WT1: variants seen among roughly 807,000 people sequenced by gnomAD.
WT1 encodes WT1 transcription factor, also known as Wilms tumor protein.
WT1 carries 8 observed loss-of-function variants against 60.8 expected under a neutral mutation model. The ratio of observed to expected loss-of-function variants is 0.13; its 90% confidence interval spans 0.08 to 0.24. WT1 has a LOEUF of 0.24. WT1 is among the 10% of genes least tolerant of loss of function. The pLI, the probability that WT1 is intolerant of heterozygous loss-of-function variation, is 1.00. For synonymous variants in WT1, 312 were observed against 297.1 expected, an observed-to-expected ratio of 1.05 and a Z score of -0.52; for missense variants, 568 against 711.8, an observed-to-expected ratio of 0.80 and a Z score of 2.30.
intron 1 of WT1, chr11:32,429,010 C>A (rs908213610): frequency 3.0e-6 from 1 of 336,414 alleles, no homozygotes; most frequent in East Asian, 7.2e-5. Context: ...AGGAGCAGCG[C>A]GGGCAAGCGA....
At chr11:32,430,530 C>A in intron 1 of WT1, 1 of 1,601,004 alleles carries the variant, frequency 6.2e-7, no homozygotes, top group South Asian at 1.1e-5. Context: ...CTAGACGAAC[C>A]CTTCTCCATT....
At chr11:32,429,132 G>A (rs1157237973) in intron 1 of WT1, 1 of 254,762 alleles carries the variant, frequency 3.9e-6, no homozygotes, top group Non-Finnish European at 7.8e-6. Flanking sequence ...CTTAAAAATG[G>A]GAAGAGTAAT....
chr11:32,414,245 C>A (rs111667510), intron 5 of WT1, among the ~76,000 whole-genome samples: 1 of 152,200 alleles, frequency 6.6e-6, no homozygotes, highest in East Asian at 1.9e-4. Flanking sequence ...AGTTAATATT[C>A]GAGAAATATA....
At chr11:32,389,384 A>T (rs1851752485) in intron 9 of WT1, among the ~76,000 whole-genome samples, 1 of 152,242 alleles carries the variant, frequency 6.6e-6, no homozygotes. Context: ...ATATTGTAAA[A>T]AGTTATATTC....
intron 5 of WT1, among the ~76,000 whole-genome samples, chr11:32,403,839 T>G (rs1004650516): frequency 6.6e-6 from 1 of 152,056 alleles, no homozygotes; most frequent in African/African-American, 2.4e-5. Flanking sequence ...CCCATTGTGC[T>G]GGGATTACAG....
At chr11:32,392,607 G>A (rs2132918378) in intron 8 of WT1, 59 bp downstream of exon 8, 1 of 1,527,386 alleles carries the variant, frequency 6.5e-7, no homozygotes, top group Non-Finnish European at 9.1e-7. Flanking sequence ...AGAGAATCAT[G>A]AAATCAACCC....
At chr11:32,393,551 G>T (rs1851879078) in intron 7 of WT1, among the ~76,000 whole-genome samples, 1 of 142,740 alleles carries the variant, frequency 7.0e-6, no homozygotes, top group Non-Finnish European at 1.5e-5. Context: ...GAATCAGTCA[G>T]GTCTTTCTGT....
Position 32,400,117 on chromosome 11 carries a change from A to T in WT1, c.1017-73T>A, listed in dbSNP as rs142887065. On this transcript the variant is annotated intron_variant, in intron 5 of 9. Coordinates refer to ENST00000452863, the MANE Select transcript of WT1 (RefSeq NM_024426.6). ...CATTTGGAAATGCTTATCTGCAATC[A>T]GGAGGGAATGATGGTTTTTAAAGCT... is the stretch of plus-strand genomic sequence containing the variant. 618 of 1,543,612 alleles carry T rather than the reference A, an allele frequency of 4.0e-4. 4 individuals carry two copies. The Middle Eastern group carries it at 4.0e-3, about 10-fold the overall frequency.
At chr11:32,408,807 A>G (rs1852406807) in intron 5 of WT1, among the ~76,000 whole-genome samples, 1 of 152,186 alleles carries the variant, frequency 6.6e-6, no homozygotes, top group Non-Finnish European at 1.5e-5. Flanking sequence ...TTAGGAGAGG[A>G]CAACTACCAA....
chr11:32,417,544 T>C (rs1048402296), intron 4 of WT1, 33 bp downstream of exon 4: 3 of 1,580,096 alleles, frequency 1.9e-6, no homozygotes, highest in Non-Finnish European at 2.6e-6. Context: ...TATAAGTTAC[T>C]GTGGAAAGGC....
At chr11:32,394,633 G>A (rs1851912338) in intron 7 of WT1, among the ~76,000 whole-genome samples, 1 of 152,166 alleles carries the variant, frequency 6.6e-6, no homozygotes, top group Non-Finnish European at 1.5e-5. Context: ...TATACATGTA[G>A]AGAGCCTGAC....
intron 6 of WT1, among the ~76,000 whole-genome samples, chr11:32,397,681 G>A (rs1852014780): frequency 6.6e-6 from 1 of 152,008 alleles, no homozygotes. Flanking sequence ...CCAACTCCTT[G>A]CCCTGTGCAT....
chr11:32,408,291 T>C (rs1441405381), intron 5 of WT1, among the ~76,000 whole-genome samples: 1 of 150,672 alleles, frequency 6.6e-6, no homozygotes, highest in East Asian at 2.0e-4. Context: ...GGCAGGCAGA[T>C]CCCTTGAGGT....
intron 3 of WT1, among the ~76,000 whole-genome samples, chr11:32,425,439 C>A (rs12293750): frequency 0.05 from 7,612 of 152,198 alleles, 350 homozygotes; most frequent in African/African-American, 0.12. Context: ...CTTCTTCAAC[C>A]ATTACATTCA....
At chr11:32,428,704 G>A (rs573747031) in intron 1 of WT1, 85 bp from the exon 2 acceptor site, 232 of 1,552,640 alleles carry the variant, frequency 1.5e-4, no homozygotes, top group Non-Finnish European at 1.8e-4. Context: ...CGGGCGGGGG[G>A]GGTGTGCGCT....
chr11:32,427,355 C>A (rs1457173803), intron 3 of WT1, among the ~76,000 whole-genome samples: 2 of 152,226 alleles, frequency 1.3e-5, no homozygotes, highest in African/African-American at 4.8e-5. Flanking sequence ...CTCCCGCTCA[C>A]AGGAAGAAGG....
At chr11:32,402,879 A>C (rs1416135954) in intron 5 of WT1, among the ~76,000 whole-genome samples, 1 of 152,174 alleles carries the variant, frequency 6.6e-6, no homozygotes, top group East Asian at 1.9e-4. Context: ...GGGCTGAAGG[A>C]TTTCTAGGGA....
chr11:32,417,411 G>C (rs1852709238), intron 4 of WT1, 166 bp downstream of exon 4: 1 of 664,092 alleles, frequency 1.5e-6, no homozygotes, highest in Admixed American at 2.7e-5. Context: ...ATTTAATACT[G>C]AACACAACTC....
rs1272345421 is a variant in WT1 at position 32,388,000 on chromosome 11, CACA to C, written c.*1055_*1057del. The C allele has an allele frequency of 1.5e-5, 3 of 203,488 alleles. No individual in the cohort carries two copies. The highest frequency in any genetic ancestry group is 3.5e-5 in the African/African-American group (1 of 28,338). The allele number at this position is 203,488 out of a possible 1,614,324, so 12.6% of individuals were successfully genotyped here. ...CCCTCCCTTAAAAAACAAAACACAA[CACA>C]ACACACACACACACACACACACACA... On this transcript the variant is annotated 3_prime_UTR_variant, in exon 10 of 10. Transcript: ENST00000452863.
Sources: allele counts gnomAD v4.1 joint callset (sites outside exome capture counted in the v4.1 genomes callset), GRCh38; gene constraint gnomAD v4.1.1; transcripts MANE v1.5; gene names NCBI Gene and HGNC (gene_info 2026-07-23, HGNC 2026-07-21).